The following ARHGAP39 variants were observed in gnomAD, a reference collection of about 807,000 sequenced individuals.
ARHGAP39 encodes the protein Rho GTPase activating protein 39, also known as rho GTPase-activating protein 39.
ARHGAP39 carries 44 observed loss-of-function variants against 106.9 expected under a neutral mutation model. The observed-to-expected ratio is 0.41, with a 90% CI of 0.32 to 0.53. The LOEUF is 0.53. Among genes scored for constraint, ARHGAP39 ranks in the 20% least tolerant of loss-of-function variants. ARHGAP39 has a pLI of 0.21. For synonymous variants in ARHGAP39, 768 were observed against 693.2 expected (o/e 1.11, Z -1.69); for missense variants, 1,496 against 1,577.3 (o/e 0.95, Z 0.87).
At chr8:144,566,852 C>G (rs1252869212) in intron 3 of ARHGAP39, among the ~76,000 whole-genome samples, 3 of 140,920 alleles carry the variant, frequency 2.1e-5, no homozygotes, top group African/African-American at 8.3e-5. Context: ...GAGACTCCAT[C>G]TCAAAAAAAG....
At chr8:144,601,501 C>A (rs1399874118) in intron 2 of ARHGAP39, among the ~76,000 whole-genome samples, 1 of 63,464 alleles carries the variant, frequency 1.6e-5, no homozygotes, top group Admixed American at 1.9e-4. Flanking sequence ...TGTGTGTGTG[C>A]GTGGAGGCAT....
chr8:144,637,505 G>T (rs1187633745), intron 1 of ARHGAP39, among the ~76,000 whole-genome samples: 4 of 152,148 alleles, frequency 2.6e-5, no homozygotes, highest in Admixed American at 1.3e-4. Context: ...AGCTACTCAG[G>T]AGGTTGAGGC....
At chr8:144,555,521 C>A (rs540944925) in intron 4 of ARHGAP39, 39 bp downstream of exon 4, 3 of 1,573,286 alleles carry the variant, frequency 1.9e-6, no homozygotes, top group South Asian at 2.2e-5. Context: ...GGAAGCCGCC[C>A]TCCATCACAA....
At chr8:144,699,121 C>T in the ARHGAP39 span, 1 of 308,658 alleles carries the variant, frequency 3.2e-6, no homozygotes, top group Non-Finnish European at 6.3e-6. Context: ...AGGCGCTGGG[C>T]GATGCAGGGG....
At chr8:144,629,165 T>A (rs1040800979) in intron 1 of ARHGAP39, among the ~76,000 whole-genome samples, 3 of 152,200 alleles carry the variant, frequency 2.0e-5, no homozygotes, top group Admixed American at 1.3e-4. Flanking sequence ...AACTCTAGGT[T>A]TGAGGCCACA....
chr8:144,547,435 C>A lies in ARHGAP39; in HGVS notation c.1651G>T (p.Glu551Ter). The A allele has an allele frequency of 6.3e-7, 1 of 1,581,352 alleles. No individual in the cohort carries two copies. Among genetic ancestry groups the A allele is most frequent in the Non-Finnish European group, 8.5e-7 (1 of 1,170,776 alleles). Residue 551 changes from glutamate (E) to a stop codon, truncating the protein, a stop_gained, in exon 5 of 12, where the codon GAG becomes TAG. Coordinates refer to ENST00000377307, the MANE Select transcript of ARHGAP39 (RefSeq NM_025251.3). LOFTEE classifies it high-confidence loss of function. This position sits in a 1 kb window ranked among gnomAD's most constrained non-coding sequence, Gnocchi z 5.2. ...GEAEGARGAA[E>*]PFLAQARLAW... ...AGCCGAGCCTGCGCCAGGAAGGGCT[C>A]GGCCGCGCCCCGCGCCCCTTCGGCC...
At chr8:144,617,749 G>A (rs770725416) in intron 1 of ARHGAP39, among the ~76,000 whole-genome samples, 5 of 152,088 alleles carry the variant, frequency 3.3e-5, no homozygotes, top group African/African-American at 4.8e-5. Context: ...TTTTGCTTTC[G>A]TCTTCTGCAT....
chr8:144,563,593 C>G (rs1200025009), intron 3 of ARHGAP39, among the ~76,000 whole-genome samples: 4 of 151,568 alleles, frequency 2.6e-5, no homozygotes, highest in Non-Finnish European at 5.9e-5. Flanking sequence ...TCAAGACCAG[C>G]CTGGAAAGAT....
In ARHGAP39 at chr8:144,572,325, C is replaced by A. The variant is rs565689627; in HGVS notation, c.512+8521G>T. Among the ~76,000 whole-genome samples the A allele has an allele frequency of 9.4e-4, 143 of 152,266 alleles. 1 individual carries two copies. Among genetic ancestry groups the A allele is most frequent in the African/African-American group, 3.4e-3 (142 of 41,546 alleles). On this transcript the variant is annotated intron_variant, in intron 3 of 11. Transcript: ENST00000377307. ...CAGAGGCCTCAGAAATAACACCACA[C>A]ATTTACAACCATCTGACCTTTGACA... is the stretch of plus-strand genomic sequence containing the variant.
intron 2 of ARHGAP39, among the ~76,000 whole-genome samples, chr8:144,597,529 C>T (rs1323489945): frequency 6.6e-6 from 1 of 152,172 alleles, no homozygotes; most frequent in Non-Finnish European, 1.5e-5. Flanking sequence ...GACAGAGAGC[C>T]CCTCGCTGCC....
At chr8:144,632,661 T>A (rs1256209335) in intron 1 of ARHGAP39, among the ~76,000 whole-genome samples, 1 of 152,018 alleles carries the variant, frequency 6.6e-6, no homozygotes, top group Non-Finnish European at 1.5e-5. Context: ...AAACACACTC[T>A]CCAAAGCGCC....
At chr8:144,654,420 A>G (rs2129658488) in intron 1 of ARHGAP39, among the ~76,000 whole-genome samples, 1 of 152,252 alleles carries the variant, frequency 6.6e-6, no homozygotes, top group African/African-American at 2.4e-5. Flanking sequence ...GGGAGGATCA[A>G]TTGACCCTGG....
chr8:144,648,829 G>C (rs1253749596), intron 1 of ARHGAP39, among the ~76,000 whole-genome samples: 1 of 151,790 alleles, frequency 6.6e-6, no homozygotes, highest in Non-Finnish European at 1.5e-5. Flanking sequence ...CAGCATACCA[G>C]AATCTCTGGG....
At chr8:144,675,223 C>T (rs1822202563) in intron 1 of ARHGAP39, among the ~76,000 whole-genome samples, 1 of 152,186 alleles carries the variant, frequency 6.6e-6, no homozygotes, top group African/African-American at 2.4e-5. Flanking sequence ...AGTATGTCTC[C>T]AGCTTCTTTC....
At chr8:144,550,038 T>G (rs1817635037) in intron 4 of ARHGAP39, among the ~76,000 whole-genome samples, 2 of 152,256 alleles carry the variant, frequency 1.3e-5, no homozygotes, top group African/African-American at 4.8e-5. Context: ...ATTGGGAGGC[T>G]GAGGCAGGAG....
chr8:144,659,707 C>T (rs997412890), intron 1 of ARHGAP39, among the ~76,000 whole-genome samples: 78 of 152,300 alleles, frequency 5.1e-4, no homozygotes, highest in African/African-American at 1.8e-3. Context: ...TGATGCTCTG[C>T]CACCCCTTCA....
In ARHGAP39 at chr8:144,555,632, GGTGGTGAAGAGCTGAAACACA is replaced by G; in HGVS notation, c.513-10_523del. The G allele has an allele frequency of 6.2e-7, 1 of 1,613,672 alleles. No homozygotes were observed. The highest frequency in any genetic ancestry group is 1.7e-5 in the Admixed American group (1 of 60,034). Reference sequence around the variant, plus strand: ...ATAGTCCTTCTCAAGGAACACTCCTGGTGGTGAAGAGCTGAAACACAGTAAAATGAAAGAAATATGAATATA... The same window carrying G: ...ATAGTCCTTCTCAAGGAACACTCCTGGTAAAATGAAAGAAATATGAATATA... On this transcript the variant is annotated splice_acceptor_variant and splice_polypyrimidine_tract_variant and coding_sequence_variant and intron_variant, in exon 4 of 12. Coordinates refer to ENST00000377307, the MANE Select transcript of ARHGAP39 (RefSeq NM_025251.3). LOFTEE classifies it high-confidence loss of function.
intron 10 of ARHGAP39, among the ~76,000 whole-genome samples, chr8:144,531,105 A>G (rs1176203595): frequency 2.0e-5 from 3 of 152,258 alleles, no homozygotes; most frequent in Non-Finnish European, 2.9e-5. Flanking sequence ...AGAGTTGTGC[A>G]AAACAGGATT....
upstream of ARHGAP39, among the ~76,000 whole-genome samples, chr8:144,685,932 C>G (rs1323087035): frequency 6.6e-6 from 1 of 150,594 alleles, no homozygotes; most frequent in South Asian, 2.1e-4. Flanking sequence ...CGCCAGGGGG[C>G]ACTGCCTCGC....
Sources: allele counts gnomAD v4.1 joint callset (sites outside exome capture counted in the v4.1 genomes callset), GRCh38; gene constraint gnomAD v4.1.1; non-coding constraint Gnocchi (gnomAD v3.1); transcripts MANE v1.5; gene names NCBI Gene and HGNC (gene_info 2026-07-23, HGNC 2026-07-21).